Variants in SPACA7 observed in about 807,000 individuals in gnomAD.
SPACA7 encodes the protein sperm acrosome-associated protein 7.
A neutral mutation model predicts 26.3 loss-of-function variants in SPACA7; 19 were observed. The observed-to-expected ratio is 0.72, with a 90% CI of 0.50 to 1.06. The LOEUF (loss-of-function observed/expected upper bound fraction) is 1.06. Ranked by LOEUF, SPACA7 falls within the 50% of genes least tolerant of loss-of-function variation. The pLI is 0.00. For synonymous variants in SPACA7, 84 were observed against 84.5 expected (o/e 0.99, Z 0.04); for missense variants, 211 against 229.9 (o/e 0.92, Z 0.53).
At chr13:112,390,479 T>C (rs1200128304) in intron 1 of SPACA7, among the ~76,000 whole-genome samples, 2 of 150,876 alleles carry the variant, frequency 1.3e-5, no homozygotes, top group Non-Finnish European at 2.9e-5. Context: ...AGCAGCATTT[T>C]TGGCCCTCTG....
At chr13:112,427,384 A>C (rs968558481) in intron 5 of SPACA7, among the ~76,000 whole-genome samples, 3 of 152,210 alleles carry the variant, frequency 2.0e-5, no homozygotes, top group African/African-American at 7.2e-5. Flanking sequence ...TCTGTTGATG[A>C]GGAGAATCAC....
At chr13:112,388,482 C>A (rs1026189491) in intron 1 of SPACA7, among the ~76,000 whole-genome samples, 5 of 152,180 alleles carry the variant, frequency 3.3e-5, no homozygotes, top group African/African-American at 1.2e-4. Flanking sequence ...AGTGCCCCGC[C>A]AGTAGAGAGA....
At chr13:112,413,669 A>G (rs990464552) in intron 5 of SPACA7, among the ~76,000 whole-genome samples, 8 of 152,020 alleles carry the variant, frequency 5.3e-5, no homozygotes, top group African/African-American at 1.9e-4. Context: ...CTTTGAATAA[A>G]CTTTCTACTC....
At chr13:112,396,501 T>C (rs79833935) in intron 2 of SPACA7, among the ~76,000 whole-genome samples, 40,515 of 151,388 alleles carry the variant, frequency 0.27, 6,130 homozygotes, top group Non-Finnish European at 0.35. Flanking sequence ...TGGAATGGGG[T>C]AGAGACCAGG....
chr13:112,415,434 T>C (rs1304356215), intron 5 of SPACA7, among the ~76,000 whole-genome samples: 1 of 152,164 alleles, frequency 6.6e-6, no homozygotes, highest in Non-Finnish European at 1.5e-5. Flanking sequence ...CAAGCTGGTA[T>C]TATGGTCTTC....
intron 1 of SPACA7, among the ~76,000 whole-genome samples, chr13:112,392,564 G>A (rs1884961595): frequency 6.6e-6 from 1 of 152,198 alleles, no homozygotes; most frequent in African/African-American, 2.4e-5. Flanking sequence ...CCCAGAACAT[G>A]TTTCTAAGCC....
At position 112,384,739 on chromosome 13, in the gene SPACA7, A is replaced by T. The variant is rs185403273; in HGVS notation, c.94+8260A>T. ...TAGCTTTCCAAACAAGACCCAATAAAGACAGCATGAGGCTAACTGACCTTG... is the reference window on the plus strand; with the variant it reads ...TAGCTTTCCAAACAAGACCCAATAATGACAGCATGAGGCTAACTGACCTTG... On this transcript the variant is annotated intron_variant, in intron 1 of 6. Coordinates refer to ENST00000283550, the MANE Select transcript of SPACA7 (RefSeq NM_145248.5). Among the ~76,000 whole-genome samples the T allele has an allele frequency of 1.3e-4, 20 of 152,284 alleles. No individual in the cohort carries two copies. In the East Asian group the frequency reaches 3.9e-3, roughly 29 times the overall value.
At chr13:112,392,543 T>G (rs1010256404) in intron 1 of SPACA7, among the ~76,000 whole-genome samples, 1 of 152,160 alleles carries the variant, frequency 6.6e-6, no homozygotes, top group Non-Finnish European at 1.5e-5. Flanking sequence ...TTGCACAATG[T>G]TTCCCATTTC....
At chr13:112,415,140 C>T (rs1886607963) in intron 5 of SPACA7, among the ~76,000 whole-genome samples, 1 of 152,234 alleles carries the variant, frequency 6.6e-6, no homozygotes, top group South Asian at 2.1e-4. Context: ...CTCCCAAAGT[C>T]CCTCACTCAC....
chr13:112,396,892 G>A (rs1351159469), intron 2 of SPACA7, among the ~76,000 whole-genome samples: 1 of 152,166 alleles, frequency 6.6e-6, no homozygotes, highest in African/African-American at 2.4e-5. Context: ...CAGACACCTC[G>A]TCCACTCCCA....
chr13:112,430,620 G>A (rs1877018005), intron 5 of SPACA7, among the ~76,000 whole-genome samples: 1 of 152,142 alleles, frequency 6.6e-6, no homozygotes, highest in African/African-American at 2.4e-5. Context: ...ATGGCCCCTG[G>A]GTTCTCCCAG....
At chr13:112,386,494 G>A (rs1041373598) in intron 1 of SPACA7, among the ~76,000 whole-genome samples, 1 of 151,434 alleles carries the variant, frequency 6.6e-6, no homozygotes, top group Non-Finnish European at 1.5e-5. Flanking sequence ...TTTTTTGTTT[G>A]TTTTTTGGTG....
At position 112,384,004 on chromosome 13, in the gene SPACA7, C is replaced by G. The variant is rs527485218; in HGVS notation, c.94+7525C>G. On this transcript the variant is annotated intron_variant, in intron 1 of 6. Coordinates refer to ENST00000283550, the MANE Select transcript of SPACA7 (RefSeq NM_145248.5). ...TTTGTTCACAGGAGTATATTTTACT[C>G]ACTTGTTAAAAGTTGCAAATAGCTT... Among the ~76,000 whole-genome samples the G allele has an allele frequency of 3.3e-5, 5 of 152,296 alleles. No individual in the cohort carries two copies. In the South Asian group the frequency reaches 1.0e-3, roughly 32 times the overall value.
chr13:112,394,878 T>C (rs1399606067), intron 2 of SPACA7, among the ~76,000 whole-genome samples: 3 of 152,168 alleles, frequency 2.0e-5, no homozygotes, highest in African/African-American at 7.2e-5. Flanking sequence ...ATATTTTTCC[T>C]GGGTCCTGAC....
chr13:112,432,365 C>A lies in SPACA7; in HGVS notation c.446-79C>A. On this transcript the variant is annotated intron_variant, in intron 5 of 6. Coordinates refer to ENST00000283550, the MANE Select transcript of SPACA7 (RefSeq NM_145248.5). Reference sequence around the variant, plus strand: ...CTGCTTTGCTCAGCGCTTACGGCTCCCTGAAGTTAAAGGAAAAGTGGAATC... The same window carrying A: ...CTGCTTTGCTCAGCGCTTACGGCTCACTGAAGTTAAAGGAAAAGTGGAATC... The A allele has an allele frequency of 5.0e-6, 6 of 1,210,856 alleles. No homozygotes were observed. In the South Asian group the frequency reaches 6.3e-5, roughly 13 times the overall value. The allele number at this position is 1,210,856 out of a possible 1,614,324, so 75.0% of individuals were successfully genotyped here.
chr13:112,422,745 C>T (rs1876109669), intron 5 of SPACA7, among the ~76,000 whole-genome samples: 1 of 152,154 alleles, frequency 6.6e-6, no homozygotes, highest in African/African-American at 2.4e-5. Flanking sequence ...AACCCTTTTC[C>T]CATTTAGAAA....
chr13:112,405,681 AC>A (rs1885942956), intron 5 of SPACA7, among the ~76,000 whole-genome samples: 3 of 152,196 alleles, frequency 2.0e-5, no homozygotes, highest in Admixed American at 1.3e-4. Context: ...AATAACAACA[AC>A]CTTTTGATTA....
chr13:112,382,717 G>A (rs1161585815), intron 1 of SPACA7, among the ~76,000 whole-genome samples: 2 of 152,112 alleles, frequency 1.3e-5, no homozygotes, highest in African/African-American at 4.8e-5. Flanking sequence ...GCCAGGTGCG[G>A]TGGCTTACAC....
intron 1 of SPACA7, among the ~76,000 whole-genome samples, chr13:112,377,041 A>G (rs1214500256): frequency 6.6e-6 from 1 of 152,204 alleles, no homozygotes; most frequent in Non-Finnish European, 1.5e-5. Context: ...GGCTACTACC[A>G]TGGTGTCTCA....
Sources: allele counts gnomAD v4.1 joint callset (sites outside exome capture counted in the v4.1 genomes callset), GRCh38; gene constraint gnomAD v4.1.1; transcripts MANE v1.5; gene names NCBI Gene and HGNC (gene_info 2026-07-23, HGNC 2026-07-21).